Variants in LRRC53 observed in about 807,000 individuals in gnomAD.
LRRC53 encodes leucine rich repeat containing 53.
A neutral mutation model predicts 13.6 loss-of-function variants in LRRC53; 25 were observed. The observed-to-expected ratio is 1.83, with a 90% CI of 1.34 to 2.56. LRRC53 has a LOEUF of 2.56. Ranked by LOEUF, LRRC53 falls within the 30% of genes most tolerant of loss-of-function variation. The pLI, the probability that LRRC53 is intolerant of heterozygous loss-of-function variation, is 0.00. For missense variants in LRRC53, 527 were observed against 275.8 expected (o/e 1.91, Z -6.45); for synonymous variants, 204 against 109.8 (o/e 1.86, Z -5.37).
At chr1:74,486,492 G>GT (rs1370637601) in intron 1 of LRRC53, among the ~76,000 whole-genome samples, 2 of 117,748 alleles carry the variant, frequency 1.7e-5, no homozygotes, top group Non-Finnish European at 3.2e-5. Flanking sequence ...TTTTGTGTGT[G>GT]TTTTTTGTTT....
At chr1:74,526,852 A>G in the LRRC53 span, among the ~76,000 whole-genome samples, 1 of 152,206 alleles carries the variant, frequency 6.6e-6, no homozygotes, top group African/African-American at 2.4e-5. Flanking sequence ...GCTCATGGGT[A>G]AATCCAACTG....
chr1:74,480,708 T>G lies in LRRC53; in HGVS notation c.349A>C (p.Asn117His). Residue 117 changes from asparagine to histidine, a missense_variant, in exon 3 of 5, where the codon AAT (asparagine) becomes CAT (histidine). Coordinates refer to ENST00000294635, the MANE Select transcript of LRRC53 (RefSeq NM_001382280.1). ...HSLQVLVLSN[N>H]ALRTLRGSWF... is the part of the protein sequence containing the mutation. The stretch of plus-strand genomic sequence containing the variant: ...GACCCTCGTAGGGTGCGGAGAGCAT[T>G]ATTGCTCAGCACCAGTACCTGCAGG... 1.4e-6 allele frequency: 1 copy of G among 717,442 alleles called. No homozygotes were observed. Among genetic ancestry groups the G allele is most frequent in the Non-Finnish European group, 2.6e-6 (1 of 385,086 alleles). The allele number at this position is 717,442 out of a possible 1,614,324, so 44.4% of individuals were successfully genotyped here. A position where few individuals can be genotyped will look rare whatever the true frequency, so the allele number is the denominator to read the frequency against.
the LRRC53 span, among the ~76,000 whole-genome samples, chr1:74,519,942 T>C: frequency 1.3e-5 from 2 of 152,198 alleles, no homozygotes; most frequent in African/African-American, 4.8e-5. Context: ...TTCTTACAGC[T>C]ATTTCTCCTT....
chr1:74,513,043 T>C (rs1025759742), upstream of LRRC53, among the ~76,000 whole-genome samples: 5 of 152,206 alleles, frequency 3.3e-5, no homozygotes, highest in Admixed American at 2.0e-4. Flanking sequence ...CTCTTTAAAG[T>C]TGATGCCAGT....
At chr1:74,501,361 C>G (rs1669615128) in intron 1 of LRRC53, among the ~76,000 whole-genome samples, 1 of 152,192 alleles carries the variant, frequency 6.6e-6, no homozygotes, top group Non-Finnish European at 1.5e-5. Context: ...TTAAAAAAAG[C>G]TGTAGACCTG....
At chr1:74,530,021 G>C in the LRRC53 span, among the ~76,000 whole-genome samples, 2 of 152,172 alleles carry the variant, frequency 1.3e-5, no homozygotes, top group Non-Finnish European at 2.9e-5. Context: ...CTGGAGAACA[G>C]TGGTAGGATC....
intron 1 of LRRC53, among the ~76,000 whole-genome samples, chr1:74,498,453 A>T (rs1181737509): frequency 6.6e-6 from 1 of 152,202 alleles, no homozygotes; most frequent in Non-Finnish European, 1.5e-5. Flanking sequence ...TAAATATGTT[A>T]AAAACAGAAA....
chr1:74,525,635 G>T, the LRRC53 span, among the ~76,000 whole-genome samples: 1 of 152,226 alleles, frequency 6.6e-6, no homozygotes, highest in African/African-American at 2.4e-5. Flanking sequence ...CTCCTAGTCT[G>T]AAGGAGTGTG....
chr1:74,472,331 T>C (rs951726455), intron 4 of LRRC53, 130 bp from the exon 5 acceptor site: 7 of 594,642 alleles, frequency 1.2e-5, no homozygotes, highest in African/African-American at 1.1e-4. Flanking sequence ...CACTATTTCC[T>C]AATTTGTAAC....
chr1:74,489,109 C>A, intron 1 of LRRC53: 1 of 1,174,814 alleles, frequency 8.5e-7, no homozygotes, highest in Non-Finnish European at 1.2e-6. Flanking sequence ...TTTACAAATG[C>A]TAATACCCAA....
chr1:74,502,840 C>T (rs192480292), intron 1 of LRRC53, among the ~76,000 whole-genome samples: 33 of 152,190 alleles, frequency 2.2e-4, no homozygotes, highest in African/African-American at 3.6e-4. Flanking sequence ...ACAGGCGTGC[C>T]GTGGACTCCC....
At chr1:74,536,472 A>G in the LRRC53 span, among the ~76,000 whole-genome samples, 2 of 152,300 alleles carry the variant, frequency 1.3e-5, no homozygotes, top group Admixed American at 1.3e-4. Flanking sequence ...CTTAATTTTA[A>G]TAAATTATTC....
chr1:74,517,797 A>G, the LRRC53 span, among the ~76,000 whole-genome samples: 1 of 152,326 alleles, frequency 6.6e-6, no homozygotes, highest in East Asian at 1.9e-4. Flanking sequence ...AAAATGCACC[A>G]GAATCACCTG....
intron 1 of LRRC53, among the ~76,000 whole-genome samples, chr1:74,511,320 G>C (rs1314865977): frequency 6.6e-6 from 1 of 152,078 alleles, no homozygotes; most frequent in African/African-American, 2.4e-5. Flanking sequence ...AGGCTCCCGA[G>C]TAGCTGGGAC....
In LRRC53 at chr1:74,469,946, C is replaced by A. The variant is rs1667842838; in HGVS notation, c.3676G>T (p.Ala1226Ser). ...GGTGGATACAGTACAGGTTTTGGAG[C>A]AGAGTTTTCAGCTTCATTTATTCTG... Reference protein sequence around the residue: ...PSRINEAENSAPKPVLYPPSA... With the variant: ...PSRINEAENSSPKPVLYPPSA... The change falls in exon 5 of 5, where the codon GCT becomes TCT. Residue 1226 changes from alanine to serine, a missense_variant. By Grantham distance (99) the Ala-to-Ser change is moderately conservative. Coordinates refer to ENST00000294635, the MANE Select transcript of LRRC53 (RefSeq NM_001382280.1). 2.5e-6 allele frequency: 1 copy of A among 400,546 alleles called. No homozygotes were observed. The highest frequency in any genetic ancestry group is 4.4e-5 in the Admixed American group (1 of 22,714). The allele number at this position is 400,546 out of a possible 1,614,324, so 24.8% of individuals were successfully genotyped here. A position where few individuals can be genotyped will look rare whatever the true frequency, so the allele number is the denominator to read the frequency against.
At chr1:74,534,254 T>C in the LRRC53 span, among the ~76,000 whole-genome samples, 4 of 152,266 alleles carry the variant, frequency 2.6e-5, 1 homozygote, top group East Asian at 5.8e-4. Context: ...ATAGTATACG[T>C]CTGTTATAAT....
chr1:74,509,536 G>A (rs563584075), intron 1 of LRRC53, among the ~76,000 whole-genome samples: 11 of 151,918 alleles, frequency 7.2e-5, no homozygotes, highest in African/African-American at 1.5e-4. Flanking sequence ...AAGATAAATC[G>A]TATACTCTTT....
intron 4 of LRRC53, among the ~76,000 whole-genome samples, chr1:74,472,753 G>A (rs1225998691): frequency 1.3e-5 from 2 of 152,080 alleles, no homozygotes; most frequent in Non-Finnish European, 2.9e-5. Context: ...TTAAATATTT[G>A]TTAAATAAAT....
the LRRC53 span, among the ~76,000 whole-genome samples, chr1:74,534,165 G>A: frequency 1.8e-4 from 28 of 152,164 alleles, no homozygotes; most frequent in Admixed American, 1.5e-3. Flanking sequence ...ATAGTAGAAC[G>A]TAATGTTCTG....
Sources: gnomAD v4.1 joint callset for allele counts (sites outside exome capture counted in the v4.1 genomes callset) on GRCh38, gnomAD v4.1.1 for gene constraint, MANE v1.5 for transcripts, NCBI Gene and HGNC (gene_info 2026-07-23, HGNC 2026-07-21) for gene names.